Variants in JAG2 observed in about 807,000 individuals in gnomAD.
The protein encoded by JAG2 is jagged canonical Notch ligand 2.
JAG2 carries 46 observed loss-of-function variants against 141.7 expected under a neutral mutation model. That is an observed-to-expected ratio of 0.32 (90% confidence interval 0.26 to 0.42). The LOEUF is 0.42. Ranked by LOEUF, JAG2 falls within the 10% of genes least tolerant of loss-of-function variation. The pLI is 1.00. For synonymous variants in JAG2, 862 were observed against 763.5 expected, an observed-to-expected ratio of 1.13 and a Z score of -2.13; for missense variants, 1,500 against 1,817.5, an observed-to-expected ratio of 0.83 and a Z score of 3.18.
intron 2 of JAG2, among the ~76,000 whole-genome samples, chr14:105,164,960 C>T (rs1325895558): frequency 1.3e-5 from 2 of 152,186 alleles, no homozygotes; most frequent in Non-Finnish European, 2.9e-5. Context: ...GGGCCTTCAC[C>T]CATCCCGTTC....
intron 12 of JAG2, among the ~76,000 whole-genome samples, chr14:105,150,201 G>A (rs1454498547): frequency 6.6e-6 from 1 of 151,722 alleles, no homozygotes; most frequent in African/African-American, 2.4e-5. Context: ...TGAGAGAGAT[G>A]CCCACTCCGA....
At position 105,142,663 on chromosome 14, in the gene JAG2, G is replaced by T; in HGVS notation, c.*32C>A. 1 of 1,531,724 alleles carries T rather than the reference G, an allele frequency of 6.5e-7. No individual in the cohort carries two copies. The highest frequency in any genetic ancestry group is 1.2e-5 in the South Asian group (1 of 85,212). The allele number at this position is 1,531,724 out of a possible 1,614,324, so 94.9% of individuals were successfully genotyped here. On this transcript the variant is annotated 3_prime_UTR_variant, in exon 26 of 26. Coordinates refer to ENST00000331782, the MANE Select transcript of JAG2 (RefSeq NM_002226.5). Reference sequence around the variant, plus strand: ...GCAGACGGCATGGCTCCCACCGAGGGCCCTGGGTCCCGGCCCAGCTGGCAG... The same window carrying T: ...GCAGACGGCATGGCTCCCACCGAGGTCCCTGGGTCCCGGCCCAGCTGGCAG...
chr14:105,153,684 A>G (rs1222770592), intron 5 of JAG2, among the ~76,000 whole-genome samples: 1 of 152,156 alleles, frequency 6.6e-6, no homozygotes, highest in African/African-American at 2.4e-5. Flanking sequence ...CGACAGGGCC[A>G]GCAAGAGGGG....
intron 2 of JAG2, among the ~76,000 whole-genome samples, chr14:105,166,836 G>A (rs919857602): frequency 1.3e-5 from 2 of 152,176 alleles, no homozygotes; most frequent in Non-Finnish European, 2.9e-5. Flanking sequence ...AGGTCTGCAT[G>A]GTGCTCTCAT....
rs1438129565 is a variant in JAG2 at position 105,157,804 on chromosome 14, C to T, written c.418-41G>A. 3.9e-6 allele frequency: 6 copies of T among 1,528,032 alleles called. No individual in the cohort carries two copies. The Admixed American group carries it at 9.7e-5, about 25-fold the overall frequency. 94.7% of individuals were successfully genotyped at this position (1,528,032 alleles called of 1,614,324 possible). On this transcript the variant is annotated intron_variant, in intron 2 of 25. Coordinates refer to ENST00000331782, the MANE Select transcript of JAG2 (RefSeq NM_002226.5). ...GGCGGGTCAGGTACCTGAGGCCACA[C>T]CTGCCTGCCTCGTTCAGGGTGGGAC...
chr14:105,156,038 A>C, intron 3 of JAG2, 49 bp from the exon 4 acceptor site: 1 of 1,591,124 alleles, frequency 6.3e-7, no homozygotes. Context: ...CAGCCCGGCC[A>C]GGGGTCCTCC....
chr14:105,146,566 T>C, intron 21 of JAG2, 45 bp downstream of exon 21: 3 of 1,602,420 alleles, frequency 1.9e-6, no homozygotes, highest in Non-Finnish European at 1.7e-6. Flanking sequence ...GTGTCACCCA[T>C]GCCCCCCAAC....
At position 105,142,636 on chromosome 14, in the gene JAG2, C is replaced by T. The variant is rs587664045; in HGVS notation, c.*59G>A. On this transcript the variant is annotated 3_prime_UTR_variant, in exon 26 of 26. Transcript: ENST00000331782. ...TGCACATGGCCTCGGCCTCCGGGTC[C>T]GGCAGACGGCATGGCTCCCACCGAG... 1.2e-4 allele frequency: 159 copies of T among 1,349,948 alleles called. 5 individuals carry two copies. The South Asian group carries it at 1.9e-3, about 16-fold the overall frequency. 83.6% of individuals were successfully genotyped at this position (1,349,948 alleles called of 1,614,324 possible).
At position 105,167,360 on chromosome 14, in the gene JAG2, C is replaced by T. The variant is rs1199801020; in HGVS notation, c.417+397G>A. On this transcript the variant is annotated intron_variant, in intron 2 of 25. Coordinates refer to ENST00000331782, the MANE Select transcript of JAG2 (RefSeq NM_002226.5). This position sits in a 1 kb window ranked among gnomAD's most constrained non-coding sequence, Gnocchi z 4.8. Reference sequence around the variant, plus strand: ...GCGCAGGCTGGCCACGGGCCCGGGGCGGCTCAGTCAGGGCCTGCCCTAGAC... The same window carrying T: ...GCGCAGGCTGGCCACGGGCCCGGGGTGGCTCAGTCAGGGCCTGCCCTAGAC... 6.6e-6 allele frequency among the ~76,000 whole-genome samples: 1 copy of T among 152,088 alleles called. No individual in the cohort carries two copies. Among genetic ancestry groups the T allele is most frequent in the Non-Finnish European group, 1.5e-5 (1 of 67,984 alleles).
chr14:105,158,402 A>C (rs587609321), intron 2 of JAG2, among the ~76,000 whole-genome samples: 5 of 152,242 alleles, frequency 3.3e-5, no homozygotes, highest in African/African-American at 1.2e-4. Flanking sequence ...ACAGTTGGGG[A>C]AACTGAGGCC....
chr14:105,166,684 G>A (rs1431464704), intron 2 of JAG2, among the ~76,000 whole-genome samples: 1 of 152,230 alleles, frequency 6.6e-6, no homozygotes, highest in Non-Finnish European at 1.5e-5. Context: ...ACACACGGCA[G>A]GCCCAACTGG....
At chr14:105,161,168 CTGT>C (rs1327925476) in intron 2 of JAG2, among the ~76,000 whole-genome samples, 79 of 96,674 alleles carry the variant, frequency 8.2e-4, no homozygotes, top group African/African-American at 2.7e-3. Context: ...TGAGTGAGGT[CTGT>C]TGTTGGGGGT....
At chr14:105,147,023 C>T (rs1056164800) in intron 20 of JAG2, 1 of 604,470 alleles carries the variant, frequency 1.7e-6, no homozygotes. Context: ...TGGGCCAACA[C>T]CCAGGGACAA....
chr14:105,158,271 G>A (rs1888635743), intron 2 of JAG2, among the ~76,000 whole-genome samples: 1 of 152,102 alleles, frequency 6.6e-6, no homozygotes, highest in South Asian at 2.1e-4. Context: ...CCAAGTACAG[G>A]GCGCCCAGCC....
At position 105,143,726 on chromosome 14, in the gene JAG2, G is replaced by A. The variant is rs756184618; in HGVS notation, c.3085-88C>T. ...CCAACACTGAGGCCCTGGCCACACT[G>A]GAGCAAGGTGGGCGCACGGGAGACG... On this transcript the variant is annotated intron_variant, in intron 24 of 25. Transcript: ENST00000331782. The A allele has an allele frequency of 1.2e-3, 1,852 of 1,522,634 alleles. 3 individuals are homozygous for A. Among genetic ancestry groups the A allele is most frequent in the Non-Finnish European group, 1.5e-3 (1,678 of 1,123,152 alleles). The allele number at this position is 1,522,634 out of a possible 1,614,324, so 94.3% of individuals were successfully genotyped here. A position where few individuals can be genotyped will look rare whatever the true frequency, so the allele number is the denominator to read the frequency against.
intron 17 of JAG2, 90 bp from the exon 18 acceptor site, chr14:105,147,978 A>T: frequency 8.2e-7 from 1 of 1,215,932 alleles, no homozygotes; most frequent in Non-Finnish European, 1.2e-6. Flanking sequence ...GACAGGGCAG[A>T]CAGACCCGGG....
At chr14:105,143,211 G>A in intron 25 of JAG2, 41 bp from the exon 26 acceptor site, 1 of 1,568,978 alleles carries the variant, frequency 6.4e-7, no homozygotes, top group South Asian at 1.1e-5. Context: ...ATGAGGCCTG[G>A]GCACCTGCGG....
In JAG2 at chr14:105,147,252, G is replaced by A. The variant is rs925122493; in HGVS notation, c.2479+74C>T. Reference sequence around the variant, plus strand: ...ACACTGCCCTTCAAGGGACGTGGACGTTGATGTCCCCAGACTCCTGACACC... The same window carrying A: ...ACACTGCCCTTCAAGGGACGTGGACATTGATGTCCCCAGACTCCTGACACC... On this transcript the variant is annotated intron_variant, in intron 20 of 25. Coordinates refer to ENST00000331782, the MANE Select transcript of JAG2 (RefSeq NM_002226.5). 177 of 1,175,274 alleles carry A rather than the reference G, an allele frequency of 1.5e-4. 1 individual carries two copies. The highest frequency in any genetic ancestry group is 2.0e-4 in the South Asian group (15 of 76,460). The allele number at this position is 1,175,274 out of a possible 1,614,324, so 72.8% of individuals were successfully genotyped here.
chr14:105,152,610 G>A (rs778543087), intron 5 of JAG2, among the ~76,000 whole-genome samples: 3 of 152,110 alleles, frequency 2.0e-5, no homozygotes, highest in Non-Finnish European at 4.4e-5. Flanking sequence ...CCCCGGGGAT[G>A]AGAATGCCGG....
Sources: allele counts gnomAD v4.1 joint callset (sites outside exome capture counted in the v4.1 genomes callset), GRCh38; gene constraint gnomAD v4.1.1; non-coding constraint Gnocchi (gnomAD v3.1); transcripts MANE v1.5; gene names NCBI Gene and HGNC (gene_info 2026-07-23, HGNC 2026-07-21).